The following LPP variants were observed in gnomAD, a reference collection of about 807,000 sequenced individuals.
LPP encodes the protein LIM domain containing preferred translocation partner in lipoma.
In LPP, 38 loss-of-function variants were observed where a neutral mutation model predicts 60.4. The observed-to-expected ratio is 0.63, with a 90% CI of 0.49 to 0.83. The LOEUF (loss-of-function observed/expected upper bound fraction) is 0.83, where lower values mean the gene tolerates loss of function less well. Among genes scored for constraint, LPP ranks in the 40% least tolerant of loss-of-function variants. LPP has a pLI of 0.00. For missense variants in LPP, 902 were observed against 783.6 expected (o/e 1.15, Z -1.80); for synonymous variants, 328 against 290.8 (o/e 1.13, Z -1.30).
chr3:188,609,644 C>T lies in LPP; in HGVS notation c.913C>T (p.Pro305Ser). Reference sequence around the variant, plus strand: ...TTATGAAGGCTACTATGCAGCAGGGCCAGGCTATGGGGGCAGAAATGACTC... The same window carrying T: ...TTATGAAGGCTACTATGCAGCAGGGTCAGGCTATGGGGGCAGAAATGACTC... Reference protein sequence around the residue: ...RYYEGYYAAGPGYGGRNDSDP... With the variant: ...RYYEGYYAAGSGYGGRNDSDP... Residue 305 changes from proline to serine, a missense_variant, in exon 7 of 12, where the codon CCA (proline) becomes TCA (serine). Transcript: ENST00000617246. The surrounding 1 kb of genome is among the most constrained non-coding windows in gnomAD (Gnocchi z 6.9). 6.2e-7 allele frequency: 1 copy of T among 1,614,092 alleles called. No homozygotes were observed. The highest frequency in any genetic ancestry group is 1.1e-5 in the South Asian group (1 of 91,080).
intron 7 of LPP, among the ~76,000 whole-genome samples, chr3:188,675,363 T>TTAA (rs1319773703): frequency 6.6e-6 from 1 of 152,194 alleles, no homozygotes; most frequent in East Asian, 1.9e-4. Context: ...TTGGCTTCCT[T>TTAA]AACTGCTCAA....
At chr3:188,786,113 C>T (rs994542834) in intron 9 of LPP, among the ~76,000 whole-genome samples, 1 of 152,024 alleles carries the variant, frequency 6.6e-6, no homozygotes, top group Non-Finnish European at 1.5e-5. Context: ...GGCCCGGTGG[C>T]TCATGCTTGT....
At chr3:188,486,593 T>C (rs1298619765) in intron 5 of LPP, among the ~76,000 whole-genome samples, 2 of 152,256 alleles carry the variant, frequency 1.3e-5, no homozygotes, top group East Asian at 1.9e-4. Flanking sequence ...TTTCATATAG[T>C]AGATATTAAG....
intron 5 of LPP, among the ~76,000 whole-genome samples, chr3:188,509,169 C>T (rs1396717690): frequency 1.3e-5 from 2 of 152,160 alleles, no homozygotes; most frequent in Non-Finnish European, 2.9e-5. Context: ...TGCAAATTCT[C>T]TTATAACACA....
At position 188,879,686 on chromosome 3, in the gene LPP, C is replaced by T. The variant is rs1464585848; in HGVS notation, c.*5207C>T. 1.1e-5 allele frequency: 2 copies of T among 181,806 alleles called. No homozygotes were observed. Among genetic ancestry groups the T allele is most frequent in the South Asian group, 2.0e-4 (1 of 5,092 alleles). 11.3% of individuals were successfully genotyped at this position (181,806 alleles called of 1,614,324 possible). A position where few individuals can be genotyped will look rare whatever the true frequency, so the allele number is the denominator to read the frequency against. On this transcript the variant is annotated 3_prime_UTR_variant, in exon 12 of 12. Transcript: ENST00000617246. Reference sequence around the variant, plus strand: ...CAAAAAATTATAATTTTAATGATGGCATTTTATTTTATTCCATTGCAGCTT... The same window carrying T: ...CAAAAAATTATAATTTTAATGATGGTATTTTATTTTATTCCATTGCAGCTT...
rs1453618763 is a variant in LPP, at chr3:188,309,309, C to A, written c.-66-32354C>A. On this transcript the variant is annotated intron_variant, in intron 2 of 11. Transcript: ENST00000617246. ...GTGCTGGGATTACAGTCATGAGCCA[C>A]CGCACCTGTCCGGAGCCTGCGTTTC... Among the ~76,000 whole-genome samples the A allele has an allele frequency of 3.3e-5, 5 of 152,126 alleles. No homozygotes were observed. In the East Asian group the frequency reaches 5.8e-4, roughly 18 times the overall value.
intron 6 of LPP, among the ~76,000 whole-genome samples, chr3:188,551,586 AC>A (rs1828141029): frequency 2.0e-5 from 3 of 152,210 alleles, no homozygotes; most frequent in Admixed American, 1.3e-4. Context: ...TAGGGAACTT[AC>A]GTTTTAGTAG....
chr3:188,480,512 A>G (rs913871376), intron 4 of LPP, among the ~76,000 whole-genome samples: 1 of 152,200 alleles, frequency 6.6e-6, no homozygotes, highest in Non-Finnish European at 1.5e-5. Flanking sequence ...TAGGATTTGG[A>G]GGATGAGTGG....
At chr3:188,731,516 T>TTTTTGTTTTTTTTGTTTTGTTTTG (rs1553817762) in intron 8 of LPP, among the ~76,000 whole-genome samples, 2 of 145,700 alleles carry the variant, frequency 1.4e-5, no homozygotes, top group African/African-American at 5.1e-5. Flanking sequence ...TTTTTTGTTT[T>TTTTTGTTTTTTTTGTTTTGTTTTG]TTTTGTTTTG....
chr3:188,234,220 G>A (rs1721090319), intron 2 of LPP, among the ~76,000 whole-genome samples: 4 of 152,146 alleles, frequency 2.6e-5, no homozygotes, highest in Non-Finnish European at 1.5e-5. Context: ...TGGGGTAAGG[G>A]GTTTTGATAG....
intron 3 of LPP, among the ~76,000 whole-genome samples, chr3:188,359,448 A>T (rs1768603721): frequency 6.6e-6 from 1 of 152,226 alleles, no homozygotes; most frequent in Non-Finnish European, 1.5e-5. Flanking sequence ...AAACATGGTT[A>T]AAGTCGGCAC....
At chr3:188,268,344 A>G (rs1108826) in intron 2 of LPP, among the ~76,000 whole-genome samples, 17,362 of 152,234 alleles carry the variant, frequency 0.11, 1,343 homozygotes, top group African/African-American at 0.21. Context: ...AACCTTAGAC[A>G]AATCTAATTC....
intron 2 of LPP, among the ~76,000 whole-genome samples, chr3:188,290,497 A>G (rs1745578200): frequency 1.3e-5 from 2 of 152,158 alleles, no homozygotes; most frequent in African/African-American, 2.4e-5. Flanking sequence ...GGCACACAGC[A>G]TGCCGTGCTT....
At chr3:188,639,069 G>A (rs1292844557) in intron 7 of LPP, among the ~76,000 whole-genome samples, 1 of 151,114 alleles carries the variant, frequency 6.6e-6, no homozygotes, top group East Asian at 1.9e-4. Flanking sequence ...TCAATCCTAA[G>A]CCAAAAGAAC....
intron 8 of LPP, among the ~76,000 whole-genome samples, chr3:188,734,498 A>G (rs1721798716): frequency 6.6e-6 from 1 of 152,210 alleles, no homozygotes; most frequent in Non-Finnish European, 1.5e-5. Context: ...GTTCCTGTAC[A>G]CTTTGGCAAT....
In LPP at chr3:188,889,344, G is replaced by A. The variant is rs114705737; in HGVS notation, c.*14865G>A. On this transcript the variant is annotated 3_prime_UTR_variant, in exon 12 of 12. Transcript: ENST00000617246. ...AGAGGGTCCATGTAAATAGGACGAG[G>A]TAGACAGTGCATGATTGTAGGAGAA... 5.3e-3 allele frequency: 1,227 copies of A among 231,814 alleles called. 5 individuals carry two copies. Among genetic ancestry groups the A allele is most frequent in the Non-Finnish European group, 8.4e-3 (984 of 117,086 alleles). The allele number at this position is 231,814 out of a possible 1,614,324, so 14.4% of individuals were successfully genotyped here.
chr3:188,672,946 T>C (rs1013175014), intron 7 of LPP, among the ~76,000 whole-genome samples: 3 of 151,654 alleles, frequency 2.0e-5, no homozygotes, highest in Non-Finnish European at 4.4e-5. Context: ...AGGAAAAAAT[T>C]GTTTTCTTTT....
At chr3:188,229,583 A>G (rs964814866) in intron 2 of LPP, among the ~76,000 whole-genome samples, 3 of 152,226 alleles carry the variant, frequency 2.0e-5, no homozygotes, top group African/African-American at 4.8e-5. Context: ...CAAAAATTAC[A>G]AGAGGATTTG....
chr3:188,184,196 A>G (rs1725908386), intron 1 of LPP, among the ~76,000 whole-genome samples: 1 of 152,138 alleles, frequency 6.6e-6, no homozygotes, highest in African/African-American at 2.4e-5. Flanking sequence ...AAATCTGTGG[A>G]TAGGGCATTG....
Sources: gnomAD v4.1 joint callset for allele counts (sites outside exome capture counted in the v4.1 genomes callset) on GRCh38, gnomAD v4.1.1 for gene constraint, Gnocchi (gnomAD v3.1) non-coding constraint, MANE v1.5 for transcripts, NCBI Gene and HGNC (gene_info 2026-07-23, HGNC 2026-07-21) for gene names.